Variants in SPTBN4 observed in about 807,000 individuals in gnomAD.
SPTBN4 encodes spectrin beta chain, non-erythrocytic 4.
SPTBN4 carries 96 observed loss-of-function variants against 277.8 expected under a neutral mutation model. The observed-to-expected ratio is 0.35, with a 90% CI of 0.29 to 0.41. The LOEUF is 0.41. Ranked by LOEUF, SPTBN4 falls within the 10% of genes least tolerant of loss-of-function variation. The pLI, the probability that SPTBN4 is intolerant of heterozygous loss-of-function variation, is 1.00. For missense variants in SPTBN4, 3,006 were observed against 3,595.7 expected (o/e 0.84, Z 4.19); for synonymous variants, 1,481 against 1,580.3 (o/e 0.94, Z 1.49).
In SPTBN4 at chr19:40,502,544, C is replaced by A; in HGVS notation, c.1203+37C>A. The A allele has an allele frequency of 6.4e-7, 1 of 1,573,304 alleles. No individual in the cohort carries two copies. The highest frequency in any genetic ancestry group is 8.6e-7 in the Non-Finnish European group (1 of 1,158,942). ...GATGCAGGGGAGAGGCGGGGTTGCACTGTGGAGTTGTATAGGTTGCACACT... is the reference window on the plus strand; with the variant it reads ...GATGCAGGGGAGAGGCGGGGTTGCAATGTGGAGTTGTATAGGTTGCACACT... On this transcript the variant is annotated intron_variant, in intron 10 of 35. Coordinates refer to ENST00000598249, the MANE Select transcript of SPTBN4 (RefSeq NM_020971.3). The surrounding 1 kb of genome is among the most constrained non-coding windows in gnomAD (Gnocchi z 4.9).
chr19:40,487,874 A>G (rs1008749208), intron 3 of SPTBN4, 26 bp downstream of exon 3: 24 of 1,570,996 alleles, frequency 1.5e-5, no homozygotes, highest in Non-Finnish European at 2.1e-5. Context: ...GGGCTGGGGC[A>G]GGGGTCCTCC....
chr19:40,535,966 T>TA (rs1568820681), intron 20 of SPTBN4, among the ~76,000 whole-genome samples: 1 of 151,414 alleles, frequency 6.6e-6, no homozygotes, highest in Non-Finnish European at 1.5e-5. Context: ...TCTCAAAAAA[T>TA]AAAAAAATAA....
intron 17 of SPTBN4, among the ~76,000 whole-genome samples, chr19:40,524,941 G>A (rs2080573008): frequency 6.6e-6 from 1 of 152,152 alleles, no homozygotes; most frequent in Non-Finnish European, 1.5e-5. Context: ...GCCATCATGG[G>A]AAGTCCTTTC....
At chr19:40,569,985 CACAG>C (rs1193667332) in intron 32 of SPTBN4, among the ~76,000 whole-genome samples, 2 of 149,992 alleles carry the variant, frequency 1.3e-5, no homozygotes, top group East Asian at 1.9e-4. Context: ...GACACACACA[CACAG>C]ACACACACAC....
At chr19:40,494,735 C>A (rs1175595488) in intron 5 of SPTBN4, among the ~76,000 whole-genome samples, 162 bp from the exon 6 acceptor site, 1 of 152,086 alleles carries the variant, frequency 6.6e-6, no homozygotes, top group African/African-American at 2.4e-5. Context: ...ACCTATCTCT[C>A]TCTCTACCTA....
intron 33 of SPTBN4, 160 bp from the exon 34 acceptor site, chr19:40,571,859 A>G: frequency 1.4e-6 from 1 of 706,518 alleles, no homozygotes; most frequent in South Asian, 2.9e-5. Flanking sequence ...GGGCAGCAAC[A>G]GCCTTAAGGA....
At chr19:40,565,872 A>C in intron 29 of SPTBN4, 127 bp downstream of exon 29, 1 of 1,034,534 alleles carries the variant, frequency 9.7e-7, no homozygotes, top group Non-Finnish European at 1.4e-6. Flanking sequence ...AAGCAAACAT[A>C]AGGGCCTGGA....
chr19:40,492,903 G>T (rs1340220119), intron 4 of SPTBN4, 60 bp from the exon 5 acceptor site: 59 of 1,452,754 alleles, frequency 4.1e-5, no homozygotes, highest in Non-Finnish European at 4.8e-6. Context: ...ATGGTGAGTG[G>T]GGGGCATTCG....
Position 40,512,719 on chromosome 19 carries a change from C to A in SPTBN4, c.1930C>A (p.Arg644=). The A allele has an allele frequency of 6.6e-7, 1 of 1,523,294 alleles. No individual in the cohort carries two copies. Among genetic ancestry groups the A allele is most frequent in the Non-Finnish European group, 8.8e-7 (1 of 1,142,228 alleles). 94.4% of individuals were successfully genotyped at this position (1,523,294 alleles called of 1,614,324 possible). The change falls in exon 14 of 36, where the codon CGG becomes AGG. Residue 644 remains arginine, a synonymous_variant. Coordinates refer to ENST00000598249, the MANE Select transcript of SPTBN4 (RefSeq NM_020971.3). ...GCGACGCGCGGAGCTGGAGGCTTCG[C>A]GGAGCCTGTGGGCGCTGCTGCAGGA... is the stretch of plus-strand genomic sequence containing the variant. The part of the protein sequence containing the change: ...ARRRAELEAS[R]SLWALLQELE...
chr19:40,499,982 C>T (rs886575599), intron 7 of SPTBN4, among the ~76,000 whole-genome samples: 1 of 150,588 alleles, frequency 6.6e-6, no homozygotes, highest in African/African-American at 2.5e-5. Flanking sequence ...ATGGCTTGTG[C>T]CTGTAATCCC....
intron 2 of SPTBN4, among the ~76,000 whole-genome samples, chr19:40,477,334 C>A (rs554183297): frequency 6.6e-6 from 1 of 152,234 alleles, no homozygotes; most frequent in South Asian, 2.1e-4. Context: ...CAGGTGTGAA[C>A]CACTGGAATT....
rs147425355 is a variant in SPTBN4 at position 40,565,473 on chromosome 19, C to T, written c.5966C>T (p.Thr1989Ile). The T allele has an allele frequency of 5.6e-6, 9 of 1,614,044 alleles. No homozygotes were observed. Among genetic ancestry groups the T allele is most frequent in the South Asian group, 1.1e-5 (1 of 91,086 alleles). ...VLMNYHQGLK[T>I]ELEARVPELT... Reference sequence around the variant, plus strand: ...ATGAACTACCACCAGGGCCTGAAGACTGAGCTGGAGGCGCGGGTGCCTGAG... The same window carrying T: ...ATGAACTACCACCAGGGCCTGAAGATTGAGCTGGAGGCGCGGGTGCCTGAG... The change falls in exon 28 of 36, where the codon ACT becomes ATT. Residue 1989 changes from threonine (T) to isoleucine (I), a missense_variant. Thr to Ile is a moderately conservative substitution (Grantham distance 89, BLOSUM62 -1). Transcript: ENST00000598249.
Position 40,502,802 on chromosome 19 carries a change from C to T in SPTBN4, c.1231C>T (p.His411Tyr). 6.2e-7 allele frequency: 1 copy of T among 1,613,936 alleles called. No individual in the cohort carries two copies. Among genetic ancestry groups the T allele is most frequent in the South Asian group, 1.1e-5 (1 of 91,084 alleles). ...KAWGELEKAE[H>Y]EREAALRAEL... is the part of the protein sequence containing the mutation. ...ATGGGGTGAGCTGGAGAAGGCTGAG[C>T]ATGAGCGGGAGGCTGCCCTACGGGC... Residue 411 changes from histidine (H) to tyrosine (Y), a missense_variant, in exon 11 of 36, where the codon CAT becomes TAT. Physicochemically the swap from His to Tyr is moderately conservative, Grantham distance 83. This residue lies in a region of SPTBN4 where 1,759 missense variants were observed against 2,061.5 expected (regional missense o/e 0.85). Transcript: ENST00000598249. The surrounding 1 kb of genome is among the most constrained non-coding windows in gnomAD (Gnocchi z 4.9).
intron 24 of SPTBN4, chr19:40,555,096 C>A: frequency 5.8e-6 from 1 of 172,134 alleles, no homozygotes; most frequent in Non-Finnish European, 1.2e-5. Context: ...GGGATGGAAT[C>A]TGTAAGGAGG....
Position 40,502,291 on chromosome 19 carries a change from A to T in SPTBN4, c.1061A>T (p.Tyr354Phe). The T allele has an allele frequency of 6.7e-7, 1 of 1,502,300 alleles. No homozygotes were observed. Among genetic ancestry groups the T allele is most frequent in the Non-Finnish European group, 9.0e-7 (1 of 1,110,314 alleles). 93.1% of individuals were successfully genotyped at this position (1,502,300 alleles called of 1,614,324 possible). A position where few individuals can be genotyped will look rare whatever the true frequency, so the allele number is the denominator to read the frequency against. ...CAGCAACTCCAGGCTTTCACGGCCT[A>T]TTGCACGCTGGAGAAGCCTGTCAAG... ...VQQQLQAFTA[Y>F]CTLEKPVKFQ... Residue 354 changes from tyrosine to phenylalanine, a missense_variant, in exon 9 of 36, where the codon TAT (tyrosine) becomes TTT (phenylalanine). Around this residue, in one of 5 missense-constraint regions of SPTBN4, gnomAD observed 1,759 missense variants for 2,061.5 expected, o/e 0.85. Coordinates refer to ENST00000598249, the MANE Select transcript of SPTBN4 (RefSeq NM_020971.3). This position sits in a 1 kb window ranked among gnomAD's most constrained non-coding sequence, Gnocchi z 4.9.
chr19:40,469,997 A>G (rs1029810560), intron 1 of SPTBN4, among the ~76,000 whole-genome samples: 1 of 141,374 alleles, frequency 7.1e-6, no homozygotes, highest in Non-Finnish European at 1.5e-5. Flanking sequence ...ATTTTCATTT[A>G]ATTTAATTTT....
intron 2 of SPTBN4, among the ~76,000 whole-genome samples, chr19:40,483,009 T>TAC (rs1011327803): frequency 1.5e-4 from 23 of 151,174 alleles, no homozygotes; most frequent in Admixed American, 3.3e-4. Context: ...TATATATGTA[T>TAC]ACACACACAC....
At chr19:40,551,587 A>G (rs1208363771) in intron 22 of SPTBN4, among the ~76,000 whole-genome samples, 1 of 152,184 alleles carries the variant, frequency 6.6e-6, no homozygotes, top group Non-Finnish European at 1.5e-5. Flanking sequence ...TTCCACATCT[A>G]AAGTAGAGTT....
At chr19:40,514,897 G>C (rs2080436218) in intron 14 of SPTBN4, among the ~76,000 whole-genome samples, 1 of 152,144 alleles carries the variant, frequency 6.6e-6, no homozygotes, top group Non-Finnish European at 1.5e-5. Context: ...ATAAGATCAG[G>C]AGTTGGAGAC....
Sources: allele counts gnomAD v4.1 joint callset (sites outside exome capture counted in the v4.1 genomes callset), GRCh38; gene constraint gnomAD v4.1.1; regional missense constraint gnomAD v4.1.1; non-coding constraint Gnocchi (gnomAD v3.1); transcripts MANE v1.5; gene names NCBI Gene and HGNC (gene_info 2026-07-23, HGNC 2026-07-21).